Variants in ZNF267 observed in about 807,000 individuals in gnomAD.
The protein encoded by ZNF267 is zinc finger (C2H2).
Under a neutral mutation model 71.6 loss-of-function variants are expected in ZNF267, and 61 were observed. The observed-to-expected ratio is 0.85, with a 90% confidence interval of 0.69 to 1.05. The LOEUF is 1.05. Among genes scored for constraint, ZNF267 ranks in the 50% least tolerant of loss-of-function variants. ZNF267 has a pLI of 0.00. For synonymous variants in ZNF267, 288 were observed against 293.2 expected (o/e 0.98, Z 0.18); for missense variants, 852 against 870.0 (o/e 0.98, Z 0.26).
chr16:31,904,137 C>G (rs962926996), intron 3 of ZNF267, among the ~76,000 whole-genome samples: 1 of 152,358 alleles, frequency 6.6e-6, no homozygotes, highest in South Asian at 2.1e-4. Context: ...TTGGATTGCA[C>G]TGTGGTGTGA....
chr16:31,902,122 C>T (rs1301475257), intron 3 of ZNF267, among the ~76,000 whole-genome samples: 2 of 152,134 alleles, frequency 1.3e-5, no homozygotes, highest in African/African-American at 4.8e-5. Flanking sequence ...GGCATTATTT[C>T]TGAGGGCTCT....
In ZNF267 at chr16:31,916,608, T is replaced by G. The variant is rs1318063576; in HGVS notation, c.*127T>G. On this transcript the variant is annotated 3_prime_UTR_variant, in exon 4 of 4. Transcript: ENST00000300870. ...CATAACCTTTAACTATTTTCAAGCC[T>G]TACACAATAGCAGAGAATATAAACT... 10 of 940,784 alleles carry G rather than the reference T, an allele frequency of 1.1e-5. No individual in the cohort carries two copies. The highest frequency in any genetic ancestry group is 5.8e-5 in the Admixed American group (2 of 34,530). The allele number at this position is 940,784 out of a possible 1,614,324, so 58.3% of individuals were successfully genotyped here.
chr16:31,905,438 T>A (rs1285732373), intron 3 of ZNF267, among the ~76,000 whole-genome samples: 2 of 152,218 alleles, frequency 1.3e-5, no homozygotes, highest in Non-Finnish European at 2.9e-5. Context: ...AGACGTAGAT[T>A]TGGTCTTTTC....
At chr16:31,878,592 C>A (rs1201577706) in intron 1 of ZNF267, among the ~76,000 whole-genome samples, 2 of 150,438 alleles carry the variant, frequency 1.3e-5, no homozygotes, top group African/African-American at 4.9e-5. Context: ...GCTTGTGGAC[C>A]ATCCAATCAT....
chr16:31,900,931 C>G (rs1319760167), intron 3 of ZNF267, among the ~76,000 whole-genome samples: 2 of 152,030 alleles, frequency 1.3e-5, no homozygotes, highest in Non-Finnish European at 2.9e-5. Context: ...GGTATATCTT[C>G]TAATGCTATC....
At chr16:31,909,456 A>G (rs926731000) in intron 3 of ZNF267, among the ~76,000 whole-genome samples, 3 of 152,000 alleles carry the variant, frequency 2.0e-5, no homozygotes, top group Non-Finnish European at 4.4e-5. Context: ...TCTTTCATTC[A>G]TGTTTTATAG....
chr16:31,915,913 A>G lies in ZNF267; in HGVS notation c.1664A>G (p.Lys555Arg). 2 of 1,613,968 alleles carry G rather than the reference A, an allele frequency of 1.2e-6. No homozygotes were observed. Among genetic ancestry groups the G allele is most frequent in the Non-Finnish European group, 1.7e-6 (2 of 1,180,014 alleles). The part of the protein sequence containing the change: ...EKPYKCKECG[K>R]AFPYSSHLIR... ...CCCTATAAATGTAAAGAATGTGGCAAAGCCTTTCCTTATAGTTCACACCTT... is the reference window on the plus strand; with the variant it reads ...CCCTATAAATGTAAAGAATGTGGCAGAGCCTTTCCTTATAGTTCACACCTT... Residue 555 changes from lysine to arginine, a missense_variant, in exon 4 of 4, where the codon AAA becomes AGA. By Grantham distance (26) the Lys-to-Arg change is conservative (BLOSUM62 2). Coordinates refer to ENST00000300870, the MANE Select transcript of ZNF267 (RefSeq NM_003414.6).
rs1164092438 is a variant in ZNF267, at chr16:31,916,755, A to G, written c.*274A>G. The G allele has an allele frequency of 2.9e-6, 1 of 340,214 alleles. No homozygotes were observed. Among genetic ancestry groups the G allele is most frequent in the African/African-American group, 2.1e-5 (1 of 47,044 alleles). The allele number at this position is 340,214 out of a possible 1,614,324, so 21.1% of individuals were successfully genotyped here. A position where few individuals can be genotyped will look rare whatever the true frequency, so the allele number is the denominator to read the frequency against. ...GTAAAAATGTGAAAAGTTTTATTCA[A>G]AATATCAAACTTATGAGTCACCTAG... On this transcript the variant is annotated 3_prime_UTR_variant, in exon 4 of 4. Coordinates refer to ENST00000300870, the MANE Select transcript of ZNF267 (RefSeq NM_003414.6).
At chr16:31,889,121 G>T in intron 3 of ZNF267, among the ~76,000 whole-genome samples, 1 of 146,896 alleles carries the variant, frequency 6.8e-6, no homozygotes, top group African/African-American at 2.5e-5. Flanking sequence ...TGTGATATCA[G>T]CTGGAATGAC....
chr16:31,915,718 A>AGCCTTATAAAT lies in ZNF267; in HGVS notation c.1471_1481dup (p.Lys495LeufsTer274). ...CATCAGAGAGTTCATACTGGAGAGA[A>AGCCTTATAAAT]GCCTTATAAATGTAAAGAATGTGGC... On this transcript the variant is annotated frameshift_variant, in exon 4 of 4. Transcript: ENST00000300870. LOFTEE classifies it high-confidence loss of function. The AGCCTTATAAAT allele has an allele frequency of 6.2e-7, 1 of 1,613,380 alleles. No individual in the cohort carries two copies. The highest frequency in any genetic ancestry group is 1.7e-4 in the Middle Eastern group (1 of 6,058).
At chr16:31,910,498 C>T (rs761303108) in intron 3 of ZNF267, among the ~76,000 whole-genome samples, 7 of 151,558 alleles carry the variant, frequency 4.6e-5, no homozygotes, top group Non-Finnish European at 1.0e-4. Flanking sequence ...TATCTGGGAA[C>T]TTACCCATTT....
chr16:31,890,330 C>G (rs1190644261), intron 3 of ZNF267: 1 of 152,296 alleles, frequency 6.6e-6, no homozygotes, highest in South Asian at 2.1e-4. Flanking sequence ...ATCCTCTTAA[C>G]AAATTAACTT....
intron 1 of ZNF267, among the ~76,000 whole-genome samples, chr16:31,881,746 A>AACTTCTGC (rs2083891806): frequency 6.8e-6 from 1 of 148,000 alleles, no homozygotes; most frequent in African/African-American, 2.5e-5. Context: ...CGGCTCACAC[A>AACTTCTGC]ACTTCTGCCT....
chr16:31,890,986 T>TA (rs997429400), intron 3 of ZNF267, among the ~76,000 whole-genome samples: 13 of 152,328 alleles, frequency 8.5e-5, no homozygotes, highest in African/African-American at 3.1e-4. Flanking sequence ...GATTTACTAT[T>TA]ACAGTTTTAT....
chr16:31,912,224 A>G (rs1417856368), intron 3 of ZNF267: 2 of 151,688 alleles, frequency 1.3e-5, no homozygotes, highest in South Asian at 4.1e-4. Flanking sequence ...TATTACTTGT[A>G]GGACAGGTCT....
intron 1 of ZNF267, chr16:31,875,361 C>T (rs1161972176): frequency 8.0e-7 from 1 of 1,248,276 alleles, no homozygotes; most frequent in Non-Finnish European, 1.0e-6. Flanking sequence ...AGAGAAATCT[C>T]CTGGGACACC....
intron 1 of ZNF267, among the ~76,000 whole-genome samples, chr16:31,883,614 A>G (rs1436261694): frequency 6.6e-6 from 1 of 152,204 alleles, no homozygotes; most frequent in East Asian, 1.9e-4. Context: ...ATATTTGGAA[A>G]ATAATTTTTA....
chr16:31,900,906 C>T (rs1156607048), intron 3 of ZNF267, among the ~76,000 whole-genome samples: 1 of 151,828 alleles, frequency 6.6e-6, no homozygotes, highest in African/African-American at 2.4e-5. Flanking sequence ...CCCATTAACT[C>T]GTCATTTAGC....
At chr16:31,905,226 C>G (rs1273868855) in intron 3 of ZNF267, among the ~76,000 whole-genome samples, 1 of 152,112 alleles carries the variant, frequency 6.6e-6, no homozygotes, top group African/African-American at 2.4e-5. Flanking sequence ...ACATTTTTTC[C>G]TTCCTTTCAA....
Sources: gnomAD v4.1 joint callset for allele counts (sites outside exome capture counted in the v4.1 genomes callset) on GRCh38, gnomAD v4.1.1 for gene constraint, MANE v1.5 for transcripts, NCBI Gene and HGNC (gene_info 2026-07-23, HGNC 2026-07-21) for gene names.